Variants in SPAG16 observed in about 807,000 individuals in gnomAD.
SPAG16 encodes the protein sperm-associated antigen 16 protein.
In SPAG16, 86 loss-of-function variants were observed where a neutral mutation model predicts 80.4. The ratio of observed to expected loss-of-function variants is 1.07; its 90% CI spans 0.90 to 1.28. The LOEUF is 1.28. SPAG16 is among the 50% of genes most tolerant of loss of function. The pLI is 0.00. For missense variants in SPAG16, 870 were observed against 765.3 expected (o/e 1.14, Z -1.61); for synonymous variants, 294 against 265.9 (o/e 1.11, Z -1.03).
intron 15 of SPAG16, chr2:214,238,290 G>T (rs1030400457): frequency 3.7e-6 from 1 of 268,148 alleles, no homozygotes; most frequent in Non-Finnish European, 7.5e-6. Flanking sequence ...GCTTGAGTTA[G>T]CACCCTTTCA....
chr2:213,325,709 A>G (rs192465095), intron 5 of SPAG16, among the ~76,000 whole-genome samples: 49 of 152,038 alleles, frequency 3.2e-4, no homozygotes, highest in African/African-American at 1.1e-3. Context: ...TTTACATAGC[A>G]TATCTCTCCA....
At chr2:213,828,691 G>T (rs1278517208) in intron 10 of SPAG16, among the ~76,000 whole-genome samples, 1 of 152,134 alleles carries the variant, frequency 6.6e-6, no homozygotes, top group Non-Finnish European at 1.5e-5. Flanking sequence ...TATTTGAAGA[G>T]GCTTTGGTGT....
At chr2:214,010,017 A>T (rs1276485751) in intron 12 of SPAG16, among the ~76,000 whole-genome samples, 1 of 118,314 alleles carries the variant, frequency 8.5e-6, no homozygotes, top group Admixed American at 7.5e-5. Flanking sequence ...TATGAAATCA[A>T]TAATTCACAC....
At chr2:213,579,214 A>G (rs1200981193) in intron 10 of SPAG16, among the ~76,000 whole-genome samples, 2 of 152,058 alleles carry the variant, frequency 1.3e-5, no homozygotes, top group African/African-American at 4.8e-5. Context: ...TTGTAATGTA[A>G]TAAGGGATTC....
At chr2:214,087,345 A>G (rs1287104655) in intron 13 of SPAG16, among the ~76,000 whole-genome samples, 1 of 152,124 alleles carries the variant, frequency 6.6e-6, no homozygotes, top group East Asian at 1.9e-4. Context: ...TCAATTCTTC[A>G]TTTTTTACCC....
intron 10 of SPAG16, among the ~76,000 whole-genome samples, chr2:213,552,964 C>A (rs888458610): frequency 6.6e-5 from 10 of 152,182 alleles, no homozygotes; most frequent in Non-Finnish European, 1.3e-4. Flanking sequence ...GGCTCTCAGG[C>A]CTTCAGCCAC....
chr2:214,233,982 T>C (rs1688891698), intron 15 of SPAG16, among the ~76,000 whole-genome samples: 1 of 152,052 alleles, frequency 6.6e-6, no homozygotes, highest in African/African-American at 2.4e-5. Flanking sequence ...TCCCATCACC[T>C]AGATATTAAG....
chr2:213,872,045 T>C (rs2075976017), intron 11 of SPAG16, among the ~76,000 whole-genome samples: 1 of 152,134 alleles, frequency 6.6e-6, no homozygotes, highest in African/African-American at 2.4e-5. Context: ...ATATGTCATG[T>C]TATATGACAA....
intron 13 of SPAG16, among the ~76,000 whole-genome samples, chr2:214,048,197 A>T (rs2049445749): frequency 6.6e-6 from 1 of 152,132 alleles, no homozygotes; most frequent in South Asian, 2.1e-4. Context: ...CTAGGTATAT[A>T]CTCCAAAGAA....
Position 213,930,106 on chromosome 2 carries a change from C to T in SPAG16, c.1361C>T (p.Ser454Phe), listed in dbSNP as rs141671840. The T allele has an allele frequency of 1.9e-6, 3 of 1,613,754 alleles. No homozygotes were observed. Among genetic ancestry groups the T allele is most frequent in the African/African-American group, 2.7e-5 (2 of 74,898 alleles). Residue 454 changes from serine to phenylalanine, a missense_variant, in exon 12 of 16, where the codon TCC (serine) becomes TTC (phenylalanine). Coordinates refer to ENST00000331683, the MANE Select transcript of SPAG16 (RefSeq NM_024532.5). Reference protein sequence around the residue: ...WHSCGNFVASSSLDKTSKIWD... With the variant: ...WHSCGNFVASFSLDKTSKIWD... ...TCCTGCGGCAATTTTGTGGCTTCCT[C>T]CTCACTGGATAAAACTAGCAAAATT... is the stretch of plus-strand genomic sequence containing the variant.
intron 11 of SPAG16, among the ~76,000 whole-genome samples, chr2:213,911,689 TA>T (rs2077672663): frequency 6.6e-6 from 1 of 152,008 alleles, no homozygotes; most frequent in Non-Finnish European, 1.5e-5. Flanking sequence ...AGGTATGATA[TA>T]AAGCACACAA....
intron 10 of SPAG16, among the ~76,000 whole-genome samples, chr2:213,581,260 C>T (rs1488491824): frequency 2.6e-5 from 4 of 152,048 alleles, no homozygotes; most frequent in Admixed American, 6.6e-5. Context: ...CTCTGTTGCA[C>T]CACCTGGAGT....
At chr2:214,197,152 TG>T (rs2057865366) in intron 15 of SPAG16, among the ~76,000 whole-genome samples, 1 of 151,978 alleles carries the variant, frequency 6.6e-6, no homozygotes, top group Non-Finnish European at 1.5e-5. Flanking sequence ...TGAGTAAAAA[TG>T]AATGTTATGA....
At chr2:213,734,501 A>T (rs768191192) in intron 10 of SPAG16, among the ~76,000 whole-genome samples, 1 of 152,226 alleles carries the variant, frequency 6.6e-6, no homozygotes, top group African/African-American at 2.4e-5. Flanking sequence ...CTAAATATGG[A>T]CATGCTCTTT....
intron 11 of SPAG16, among the ~76,000 whole-genome samples, chr2:213,874,791 T>C (rs2076082671): frequency 2.6e-5 from 4 of 151,690 alleles, no homozygotes; most frequent in Admixed American, 2.6e-4. Context: ...AGGGAGGGAT[T>C]GTGGGGACTA....
At chr2:214,226,312 C>T (rs1166178740) in intron 15 of SPAG16, among the ~76,000 whole-genome samples, 3 of 152,040 alleles carry the variant, frequency 2.0e-5, no homozygotes, top group Non-Finnish European at 4.4e-5. Context: ...AATGCACATA[C>T]TTTTTCAAAC....
chr2:214,308,969 C>A (rs190659077), intron 15 of SPAG16, among the ~76,000 whole-genome samples: 1 of 152,074 alleles, frequency 6.6e-6, no homozygotes, highest in African/African-American at 2.4e-5. Flanking sequence ...TGGATGATAT[C>A]CTGAAATATG....
chr2:214,238,560 T>A (rs1689234089), intron 15 of SPAG16: 1 of 151,856 alleles, frequency 6.6e-6, no homozygotes, highest in African/African-American at 2.4e-5. Flanking sequence ...CAGAAACTAG[T>A]AATATATGCT....
chr2:213,891,595 T>C (rs972003695), intron 11 of SPAG16, among the ~76,000 whole-genome samples: 1 of 152,136 alleles, frequency 6.6e-6, no homozygotes. Context: ...CATAGGAGGC[T>C]TCCAGTTCCA....
Sources: allele counts gnomAD v4.1 joint callset (sites outside exome capture counted in the v4.1 genomes callset), GRCh38; gene constraint gnomAD v4.1.1; transcripts MANE v1.5; gene names NCBI Gene and HGNC (gene_info 2026-07-23, HGNC 2026-07-21).